The following COPA variants were observed in gnomAD, a reference collection of about 807,000 sequenced individuals.
COPA encodes coat protein complex I subunit alpha, also known as coatomer subunit alpha.
COPA carries 10 observed loss-of-function variants against 158.7 expected under a neutral mutation model. The observed-to-expected ratio is 0.06, with a 90% confidence interval of 0.04 to 0.11. The LOEUF (loss-of-function observed/expected upper bound fraction) is 0.11. Among genes scored for constraint, COPA ranks in the 10% least tolerant of loss-of-function variants. The pLI, the probability that COPA is intolerant of heterozygous loss-of-function variation, is 1.00. For synonymous variants in COPA, 462 were observed against 542.8 expected, an observed-to-expected ratio of 0.85 and a Z score of 2.07; for missense variants, 1,065 against 1,536.7, an observed-to-expected ratio of 0.69 and a Z score of 5.13.
At position 160,339,899 on chromosome 1, in the gene COPA, C is replaced by T; in HGVS notation, c.228+10G>A. On this transcript the variant is annotated intron_variant, in intron 3 of 32. Transcript: ENST00000241704. ...TTCCTTTATTCTCAGTTATGACAGA[C>T]CCTCTGTACCTTAATCTTATAGTCA... 6.2e-7 allele frequency: 1 copy of T among 1,611,834 alleles called. No individual in the cohort carries two copies. The highest frequency in any genetic ancestry group is 1.1e-5 in the South Asian group (1 of 91,014).
At chr1:160,332,663 T>C in intron 5 of COPA, 106 bp from the exon 6 acceptor site, 1 of 693,514 alleles carries the variant, frequency 1.4e-6, no homozygotes, top group Non-Finnish European at 2.3e-6. Context: ...AGTTTTACTT[T>C]TATGGAGACA....
At chr1:160,313,666 A>G (rs1054632220) in intron 9 of COPA, among the ~76,000 whole-genome samples, 4 of 152,112 alleles carry the variant, frequency 2.6e-5, no homozygotes, top group African/African-American at 7.2e-5. Context: ...CACCCGCCTC[A>G]GCCTCCCAAG....
intron 6 of COPA, among the ~76,000 whole-genome samples, chr1:160,328,597 TA>T (rs770331225): frequency 3.3e-5 from 5 of 152,190 alleles, no homozygotes; most frequent in Non-Finnish European, 7.4e-5. Flanking sequence ...AGAGGGATGA[TA>T]ACAGGATTTG....
Position 160,310,173 on chromosome 1 carries a change from G to A in COPA, c.1143+19C>T. The A allele has an allele frequency of 2.0e-6, 3 of 1,510,516 alleles. No individual in the cohort carries two copies. Among genetic ancestry groups the A allele is most frequent in the Non-Finnish European group, 2.7e-6 (3 of 1,120,604 alleles). The allele number at this position is 1,510,516 out of a possible 1,614,324, so 93.6% of individuals were successfully genotyped here. ...ATGGAAAATGAGGAGAACCTAGGAG[G>A]GCTCCACAGGTTACTTACTGTACAA... On this transcript the variant is annotated intron_variant, in intron 12 of 32. Transcript: ENST00000241704.
chr1:160,300,150 G>T (rs1322347346), intron 17 of COPA, among the ~76,000 whole-genome samples: 1 of 151,836 alleles, frequency 6.6e-6, no homozygotes, highest in African/African-American at 2.4e-5. Context: ...GACCAGCCTG[G>T]CCAACATGGT....
In COPA at chr1:160,298,989, TACCTAGACATTTGGG is replaced by T; in HGVS notation, c.1831-13_1832del. 1 of 1,613,738 alleles carries T rather than the reference TACCTAGACATTTGGG, an allele frequency of 6.2e-7. No individual in the cohort carries two copies. Among genetic ancestry groups the T allele is most frequent in the Non-Finnish European group, 8.5e-7 (1 of 1,179,826 alleles). On this transcript the variant is annotated splice_acceptor_variant and splice_polypyrimidine_tract_variant and coding_sequence_variant and intron_variant, in exon 19 of 33. Coordinates refer to ENST00000241704, the MANE Select transcript of COPA (RefSeq NM_004371.4). LOFTEE classifies it high-confidence loss of function. ...GTTTGGCATTCCTCACCATGTGCAG[TACCTAGACATTTGGG>T]GTGGAGTCGGGCAAGAAGTAGACAT... is the stretch of plus-strand genomic sequence containing the variant.
chr1:160,298,168 C>T (rs564089425), intron 19 of COPA, among the ~76,000 whole-genome samples: 1 of 149,048 alleles, frequency 6.7e-6, no homozygotes, highest in African/African-American at 2.5e-5. Context: ...GCAACAAGAG[C>T]GAGACTCCGC....
chr1:160,323,892 C>T (rs927457775), intron 7 of COPA, among the ~76,000 whole-genome samples: 6 of 152,152 alleles, frequency 3.9e-5, no homozygotes, highest in African/African-American at 1.2e-4. Context: ...GACGGAGTCT[C>T]GCTCTGTCAC....
At chr1:160,302,509 C>T (rs997473325) in intron 17 of COPA, among the ~76,000 whole-genome samples, 4 of 149,332 alleles carry the variant, frequency 2.7e-5, no homozygotes, top group Admixed American at 6.7e-5. Context: ...CAATTCCAAA[C>T]GAAACCACAA....
At chr1:160,316,863 A>C (rs997566410) in intron 8 of COPA, among the ~76,000 whole-genome samples, 1 of 152,174 alleles carries the variant, frequency 6.6e-6, no homozygotes, top group Non-Finnish European at 1.5e-5. Context: ...TGAGGAAGAA[A>C]TATCCAGGTA....
chr1:160,323,092 T>C (rs1040723378), intron 8 of COPA, among the ~76,000 whole-genome samples: 1 of 152,038 alleles, frequency 6.6e-6, no homozygotes, highest in Non-Finnish European at 1.5e-5. Flanking sequence ...TGGAGGCCAT[T>C]ATGTTAAGGG....
chr1:160,311,475 C>A (rs900338904), intron 11 of COPA, among the ~76,000 whole-genome samples: 1 of 142,178 alleles, frequency 7.0e-6, no homozygotes, highest in Non-Finnish European at 1.5e-5. Flanking sequence ...ATAGGCTGGG[C>A]GCGGTGGCTC....
At chr1:160,319,263 A>T (rs1322167033) in intron 8 of COPA, among the ~76,000 whole-genome samples, 3 of 152,038 alleles carry the variant, frequency 2.0e-5, no homozygotes, top group Non-Finnish European at 2.9e-5. Flanking sequence ...CAGACTACCA[A>T]ACCTAAGATT....
chr1:160,339,020 C>T (rs566308427), intron 3 of COPA, among the ~76,000 whole-genome samples: 3 of 146,458 alleles, frequency 2.0e-5, no homozygotes, highest in South Asian at 4.2e-4. Flanking sequence ...TCTTCCACTC[C>T]AGAAAACTAT....
intron 8 of COPA, among the ~76,000 whole-genome samples, chr1:160,319,888 G>A (rs1571171058): frequency 9.7e-6 from 1 of 102,974 alleles, no homozygotes; most frequent in African/African-American, 3.7e-5. Flanking sequence ...TACTAAGAAT[G>A]AAGTTTATAA....
At chr1:160,321,329 G>T (rs1015256013) in intron 8 of COPA, among the ~76,000 whole-genome samples, 4 of 152,134 alleles carry the variant, frequency 2.6e-5, no homozygotes, top group Non-Finnish European at 5.9e-5. Context: ...CAAAACACTA[G>T]AAGTCCTGGC....
chr1:160,312,337 T>G (rs963989369), intron 10 of COPA, among the ~76,000 whole-genome samples: 4 of 152,212 alleles, frequency 2.6e-5, no homozygotes, highest in Non-Finnish European at 4.4e-5. Flanking sequence ...TCACCCACAT[T>G]GTAACATGAA....
At position 160,298,953 on chromosome 1, in the gene COPA, C is replaced by T. The variant is rs931131880; in HGVS notation, c.1869G>A (p.Gln623=). Residue 623 remains glutamine, a synonymous_variant, in exon 19 of 33, where the codon CAG becomes CAA. Coordinates refer to ENST00000241704, the MANE Select transcript of COPA (RefSeq NM_004371.4). ...TCTTCTGGAGATAAGCAATAATAGA[C>T]TGGCCAACTAGTTTGGCATTCCTCA... The part of the protein sequence containing the change: ...HMVRNAKLVG[Q]SIIAYLQKKG... The T allele has an allele frequency of 6.2e-7, 1 of 1,613,954 alleles. No individual in the cohort carries two copies. Among genetic ancestry groups the T allele is most frequent in the African/African-American group, 1.3e-5 (1 of 74,866 alleles).
At chr1:160,339,027 C>T (rs1259916265) in intron 3 of COPA, among the ~76,000 whole-genome samples, 1 of 143,764 alleles carries the variant, frequency 7.0e-6, no homozygotes, top group African/African-American at 2.9e-5. Context: ...CTCCAGAAAA[C>T]TATCTCCTCC....
Sources: allele counts gnomAD v4.1 joint callset (sites outside exome capture counted in the v4.1 genomes callset), GRCh38; gene constraint gnomAD v4.1.1; transcripts MANE v1.5; gene names NCBI Gene and HGNC (gene_info 2026-07-23, HGNC 2026-07-21).